STK32B: variants seen among roughly 807,000 people sequenced by gnomAD.
STK32B encodes serine/threonine-protein kinase 32B.
STK32B carries 43 observed loss-of-function variants against 52.6 expected under a neutral mutation model. The ratio of observed to expected loss-of-function variants is 0.82; its 90% confidence interval spans 0.64 to 1.05. The LOEUF (loss-of-function observed/expected upper bound fraction) is 1.05. STK32B is among the 50% of genes least tolerant of loss of function. The pLI, the probability that STK32B is intolerant of heterozygous loss-of-function variation, is 0.00. For missense variants in STK32B, 621 were observed against 534.6 expected, an observed-to-expected ratio of 1.16 and a Z score of -1.59; for synonymous variants, 238 against 204.3, an observed-to-expected ratio of 1.17 and a Z score of -1.41.
At chr4:5,421,828 T>C (rs1343034332) in intron 6 of STK32B, among the ~76,000 whole-genome samples, 1 of 152,230 alleles carries the variant, frequency 6.6e-6, no homozygotes, top group Admixed American at 6.5e-5. Flanking sequence ...ATGACGTTTC[T>C]ACATCTCTTA....
chr4:5,313,112 TAAAAA>T (rs1373298786), intron 3 of STK32B, among the ~76,000 whole-genome samples: 1 of 125,918 alleles, frequency 7.9e-6, no homozygotes, highest in East Asian at 2.0e-4. Flanking sequence ...TTGTGGTTTT[TAAAAA>T]CCACAATTAC....
chr4:5,094,733 C>T (rs1490514898), intron 1 of STK32B, among the ~76,000 whole-genome samples: 1 of 152,138 alleles, frequency 6.6e-6, no homozygotes, highest in Non-Finnish European at 1.5e-5. Flanking sequence ...GGTAAGGCTG[C>T]CAGTCAACAG....
At chr4:5,439,924 C>A (rs1031280725) in intron 6 of STK32B, among the ~76,000 whole-genome samples, 16 of 152,098 alleles carry the variant, frequency 1.1e-4, no homozygotes, top group East Asian at 3.9e-4. Flanking sequence ...AGATATGCGG[C>A]ATTATTTCTA....
chr4:5,444,280 C>T (rs1317035003), intron 6 of STK32B, among the ~76,000 whole-genome samples: 2 of 152,236 alleles, frequency 1.3e-5, no homozygotes, highest in African/African-American at 2.4e-5. Flanking sequence ...CCCTCCAAGT[C>T]AGGTGCGGGA....
chr4:5,495,001 C>T (rs1411643872), intron 11 of STK32B, among the ~76,000 whole-genome samples: 1 of 152,044 alleles, frequency 6.6e-6, no homozygotes, highest in Non-Finnish European at 1.5e-5. Context: ...CTCTGGCTGC[C>T]CTTAACATTT....
Position 5,425,981 on chromosome 4 carries a change from C to A in STK32B, c.562+9047C>A, listed in dbSNP as rs988222277. ...CCCTTCCTGTTGCTGGATATACATA[C>A]ACGTGTTTATCTGTTCATCAGTTGA... On this transcript the variant is annotated intron_variant, in intron 6 of 11. Transcript: ENST00000282908. Among the ~76,000 whole-genome samples, 3 of 152,172 alleles carry A rather than the reference C, an allele frequency of 2.0e-5. 1 individual carries two copies. In the South Asian group the frequency reaches 6.2e-4, roughly 31 times the overall value.
chr4:5,120,272 G>A (rs544199994), intron 1 of STK32B, among the ~76,000 whole-genome samples: 1 of 152,264 alleles, frequency 6.6e-6, no homozygotes, highest in Non-Finnish European at 1.5e-5. Flanking sequence ...ACAGCAGAAG[G>A]CAATAGTAGC....
At chr4:5,085,034 G>A (rs1489543539) in intron 1 of STK32B, among the ~76,000 whole-genome samples, 3 of 152,164 alleles carry the variant, frequency 2.0e-5, no homozygotes, top group African/African-American at 7.2e-5. Context: ...GCATTTTCCA[G>A]AATGTACTCT....
At chr4:5,123,218 G>A (rs1271769390) in intron 1 of STK32B, among the ~76,000 whole-genome samples, 5 of 152,130 alleles carry the variant, frequency 3.3e-5, no homozygotes, top group Non-Finnish European at 5.9e-5. Context: ...TTCTCTGGCT[G>A]TGTCCCGTGG....
chr4:5,476,587 G>A (rs1286216553), intron 11 of STK32B, among the ~76,000 whole-genome samples: 3 of 152,018 alleles, frequency 2.0e-5, no homozygotes, highest in Admixed American at 6.6e-5. Flanking sequence ...GACTCTGCCT[G>A]AGAACCCTGT....
rs190219754 is a variant in STK32B at position 5,481,030 on chromosome 4, C to T, written c.1106+12960C>T. 2.5e-3 allele frequency among the ~76,000 whole-genome samples: 380 copies of T among 152,180 alleles called. 4 individuals carry two copies. The highest frequency in any genetic ancestry group is 8.7e-3 in the African/African-American group (360 of 41,500). ...CAAGTCGTTGCTATTGTGAACAGTG[C>T]CACAATAAACATACGTGTGCATGTG... On this transcript the variant is annotated intron_variant, in intron 11 of 11. Coordinates refer to ENST00000282908, the MANE Select transcript of STK32B (RefSeq NM_018401.3).
intron 3 of STK32B, among the ~76,000 whole-genome samples, chr4:5,269,734 T>C (rs1030177602): frequency 6.6e-6 from 1 of 152,090 alleles, no homozygotes; most frequent in Non-Finnish European, 1.5e-5. Flanking sequence ...TAGAAAAAAA[T>C]TAGTGAACTT....
chr4:5,247,242 C>CTT (rs112166424), intron 3 of STK32B, among the ~76,000 whole-genome samples: 3 of 152,160 alleles, frequency 2.0e-5, no homozygotes, highest in African/African-American at 7.2e-5. Context: ...TTCCTGGCCG[C>CTT]TTTTTTTACC....
At chr4:5,077,226 G>A (rs1205973902) in intron 1 of STK32B, among the ~76,000 whole-genome samples, 1 of 152,084 alleles carries the variant, frequency 6.6e-6, no homozygotes, top group Non-Finnish European at 1.5e-5. Flanking sequence ...CATTTAATAT[G>A]GTCCCCCATG....
At chr4:5,495,385 G>T (rs1577065739) in intron 11 of STK32B, among the ~76,000 whole-genome samples, 1 of 152,116 alleles carries the variant, frequency 6.6e-6, no homozygotes, top group Non-Finnish European at 1.5e-5. Context: ...TGAGGCTTCT[G>T]CATTCTTCAT....
At chr4:5,477,923 C>G (rs981233262) in intron 11 of STK32B, among the ~76,000 whole-genome samples, 12 of 152,168 alleles carry the variant, frequency 7.9e-5, no homozygotes, top group Non-Finnish European at 8.8e-5. Context: ...AGTGCCCCCA[C>G]CCACACCAAG....
At chr4:5,095,564 G>T (rs1452106240) in intron 1 of STK32B, among the ~76,000 whole-genome samples, 3 of 152,160 alleles carry the variant, frequency 2.0e-5, no homozygotes, top group Non-Finnish European at 4.4e-5. Context: ...GCAGTGAGCC[G>T]AGATCATGCC....
intron 3 of STK32B, among the ~76,000 whole-genome samples, chr4:5,264,648 A>G (rs1427235282): frequency 6.6e-6 from 1 of 151,848 alleles, no homozygotes; most frequent in Non-Finnish European, 1.5e-5. Context: ...ATAGCCGGGC[A>G]TGGTGGCGGG....
At chr4:5,343,748 C>T (rs1285689457) in intron 4 of STK32B, among the ~76,000 whole-genome samples, 1 of 152,164 alleles carries the variant, frequency 6.6e-6, no homozygotes, top group African/African-American at 2.4e-5. Context: ...AGAGCTTCTG[C>T]ACAGCAAAAG....
Sources: allele counts gnomAD v4.1 joint callset (sites outside exome capture counted in the v4.1 genomes callset), GRCh38; gene constraint gnomAD v4.1.1; transcripts MANE v1.5; gene names NCBI Gene and HGNC (gene_info 2026-07-23, HGNC 2026-07-21).